CALCRL: variants seen among roughly 807,000 people sequenced by gnomAD.
CALCRL encodes calcitonin gene-related peptide type 1 receptor.
Under a neutral mutation model 60.4 loss-of-function variants are expected in CALCRL, and 27 were observed. The ratio of observed to expected loss-of-function variants is 0.45; its 90% CI spans 0.33 to 0.62. The LOEUF (loss-of-function observed/expected upper bound fraction) is 0.62, where lower values mean the gene tolerates loss of function less well. CALCRL is among the 20% of genes least tolerant of loss of function. The probability of loss-of-function intolerance (pLI) is 0.03; values close to 1 mark genes in which losing one functional copy is unlikely to be tolerated. For missense variants in CALCRL, 424 were observed against 540.7 expected (o/e 0.78, Z 2.14); for synonymous variants, 190 against 182.6 (o/e 1.04, Z -0.33).
intron 8 of CALCRL, among the ~76,000 whole-genome samples, chr2:187,366,674 A>G (rs1279660199): frequency 6.6e-6 from 1 of 152,088 alleles, no homozygotes; most frequent in Non-Finnish European, 1.5e-5. Flanking sequence ...AAAGATTGGA[A>G]GGGAGTAAAA....
At chr2:187,375,226 T>G (rs1045656882) in intron 8 of CALCRL, among the ~76,000 whole-genome samples, 1 of 143,812 alleles carries the variant, frequency 7.0e-6, no homozygotes, top group Non-Finnish European at 1.5e-5. Flanking sequence ...GAGCCGAGAT[T>G]GCGCCACTGC....
intron 7 of CALCRL, among the ~76,000 whole-genome samples, chr2:187,379,552 CT>C (rs1353441573): frequency 6.6e-6 from 1 of 152,042 alleles, no homozygotes; most frequent in African/African-American, 2.4e-5. Context: ...ATGGTTTTCA[CT>C]TTTTTATTTT....
chr2:187,378,206 A>G (rs1292022929), intron 8 of CALCRL, among the ~76,000 whole-genome samples: 1 of 152,106 alleles, frequency 6.6e-6, no homozygotes, highest in Non-Finnish European at 1.5e-5. Flanking sequence ...GGAGCAGAAG[A>G]TGACTACAAT....
At position 187,346,001 on chromosome 2, in the gene CALCRL, C is replaced by A. The variant is rs1559034213; in HGVS notation, c.*183G>T. ...TGACAAACATTACAAACCAGGATTT[C>A]TTTTTTCCCACATAGAGCTGGATGT... On this transcript the variant is annotated 3_prime_UTR_variant, in exon 15 of 15. Coordinates refer to ENST00000392370, the MANE Select transcript of CALCRL (RefSeq NM_005795.6). 5 of 486,392 alleles carry A rather than the reference C, an allele frequency of 1.0e-5. No homozygotes were observed. Among genetic ancestry groups the A allele is most frequent in the African/African-American group, 6.1e-5 (3 of 49,412 alleles). 30.1% of individuals were successfully genotyped at this position (486,392 alleles called of 1,614,324 possible).
intron 3 of CALCRL, among the ~76,000 whole-genome samples, chr2:187,386,563 A>C (rs1490331398): frequency 6.6e-6 from 1 of 152,184 alleles, no homozygotes; most frequent in Non-Finnish European, 1.5e-5. Flanking sequence ...TTCTGAGCTA[A>C]TGAAAAATGG....
chr2:187,395,860 T>C (rs904161369), intron 1 of CALCRL, among the ~76,000 whole-genome samples: 1 of 151,948 alleles, frequency 6.6e-6, no homozygotes, highest in African/African-American at 2.4e-5. Context: ...TCCCAGGTGT[T>C]TCCTACTCAT....
Position 187,342,184 on chromosome 2 carries a change from A to T in CALCRL, c.*4000T>A, listed in dbSNP as rs1450567790. The stretch of plus-strand genomic sequence containing the variant: ...TTACAATCATATGAAAGTCTAGAAT[A>T]GGGAAATCTGTTGAGACAGAATGTA... On this transcript the variant is annotated 3_prime_UTR_variant, in exon 15 of 15. Transcript: ENST00000392370. 1.3e-5 allele frequency among the ~76,000 whole-genome samples: 2 copies of T among 151,846 alleles called. No individual in the cohort carries two copies. The highest frequency in any genetic ancestry group is 3.0e-5 in the Non-Finnish European group (2 of 67,766).
intron 1 of CALCRL, among the ~76,000 whole-genome samples, chr2:187,417,296 C>T (rs980125384): frequency 6.6e-6 from 1 of 151,676 alleles, no homozygotes. Context: ...AAAAACAAAC[C>T]CATAAACACA....
At chr2:187,405,426 T>G (rs1223486695) in intron 1 of CALCRL, among the ~76,000 whole-genome samples, 1 of 152,034 alleles carries the variant, frequency 6.6e-6, no homozygotes, top group African/African-American at 2.4e-5. Context: ...TCTGTATGCA[T>G]AACACTCTGC....
intron 14 of CALCRL, among the ~76,000 whole-genome samples, chr2:187,350,600 G>A (rs1173983226): frequency 2.7e-5 from 4 of 150,458 alleles, no homozygotes; most frequent in Non-Finnish European, 4.4e-5. Flanking sequence ...AAATAAATAC[G>A]TGTTGAACTT....
intron 1 of CALCRL, among the ~76,000 whole-genome samples, chr2:187,411,703 A>C (rs1689365242): frequency 6.6e-6 from 1 of 151,998 alleles, no homozygotes; most frequent in Non-Finnish European, 1.5e-5. Context: ...AAGCCAGGGA[A>C]GTAGGGGGTG....
chr2:187,442,821 T>C (rs1690981316), intron 1 of CALCRL, among the ~76,000 whole-genome samples: 1 of 151,874 alleles, frequency 6.6e-6, no homozygotes, highest in Non-Finnish European at 1.5e-5. Context: ...TTAGAAGAGA[T>C]TCAGTTTGGA....
At chr2:187,397,698 C>A (rs1688720450) in intron 1 of CALCRL, among the ~76,000 whole-genome samples, 1 of 151,486 alleles carries the variant, frequency 6.6e-6, no homozygotes, top group African/African-American at 2.4e-5. Flanking sequence ...CAGCTACAAC[C>A]CTCCCACCCT....
chr2:187,440,253 T>C (rs903671443), intron 1 of CALCRL, among the ~76,000 whole-genome samples: 5 of 152,100 alleles, frequency 3.3e-5, no homozygotes, highest in Non-Finnish European at 7.4e-5. Context: ...ACTGTTTCCC[T>C]TCCATGTTGA....
At chr2:187,420,250 T>G (rs1268626471) in intron 1 of CALCRL, among the ~76,000 whole-genome samples, 1 of 152,202 alleles carries the variant, frequency 6.6e-6, no homozygotes, top group Non-Finnish European at 1.5e-5. Flanking sequence ...AGTATTATTT[T>G]GATTAAAATA....
At chr2:187,434,401 CATA>C (rs1422322208) in intron 1 of CALCRL, among the ~76,000 whole-genome samples, 1 of 152,034 alleles carries the variant, frequency 6.6e-6, no homozygotes, top group Middle Eastern at 3.2e-3. Context: ...CATTGTGACT[CATA>C]ATAAGGAAAA....
At chr2:187,389,891 A>G (rs539583602) in intron 1 of CALCRL, among the ~76,000 whole-genome samples, 1 of 152,240 alleles carries the variant, frequency 6.6e-6, no homozygotes, top group East Asian at 1.9e-4. Context: ...ATATGGTTTC[A>G]TATCTGATTT....
intron 1 of CALCRL, among the ~76,000 whole-genome samples, chr2:187,388,571 A>C (rs562185714): frequency 6.6e-6 from 1 of 152,108 alleles, no homozygotes; most frequent in African/African-American, 2.4e-5. Flanking sequence ...AAAGTTCCCA[A>C]CTCATGGCAT....
At chr2:187,375,318 A>C (rs1010786183) in intron 8 of CALCRL, among the ~76,000 whole-genome samples, 2 of 151,018 alleles carry the variant, frequency 1.3e-5, no homozygotes, top group South Asian at 4.2e-4. Flanking sequence ...GCCTGAATTC[A>C]ACTGCATACC....
Sources: gnomAD v4.1 joint callset for allele counts (sites outside exome capture counted in the v4.1 genomes callset) on GRCh38, gnomAD v4.1.1 for gene constraint, MANE v1.5 for transcripts, NCBI Gene and HGNC (gene_info 2026-07-23, HGNC 2026-07-21) for gene names.